The following LRBA variants were observed in gnomAD, a reference collection of about 807,000 sequenced individuals.
LRBA encodes LPS responsive beige-like anchor protein, also known as lipopolysaccharide-responsive and beige-like anchor protein.
Under a neutral mutation model 330.0 loss-of-function variants are expected in LRBA, and 176 were observed. That is an observed-to-expected ratio of 0.53 (90% confidence interval 0.47 to 0.60). The LOEUF (loss-of-function observed/expected upper bound fraction) is 0.60, where lower values mean the gene tolerates loss of function less well. Ranked by LOEUF, LRBA falls within the 20% of genes least tolerant of loss-of-function variation. LRBA has a pLI of 0.00. For missense variants in LRBA, 3,259 were observed against 3,444.8 expected (o/e 0.95, Z 1.35); for synonymous variants, 1,230 against 1,193.0 (o/e 1.03, Z -0.64).
At chr4:150,733,513 T>C (rs1730765890) in intron 36 of LRBA, among the ~76,000 whole-genome samples, 1 of 151,826 alleles carries the variant, frequency 6.6e-6, no homozygotes, top group South Asian at 2.1e-4. Context: ...CTTACAACTT[T>C]CCTGAAAGCC....
At chr4:150,967,462 G>A (rs1262285889) in intron 2 of LRBA, among the ~76,000 whole-genome samples, 5 of 152,106 alleles carry the variant, frequency 3.3e-5, no homozygotes, top group Admixed American at 1.3e-4. Context: ...TCTACAAAAC[G>A]ACATTTCCAG....
intron 54 of LRBA, among the ~76,000 whole-genome samples, chr4:150,283,887 CATT>C (rs1747846621): frequency 6.6e-6 from 1 of 152,228 alleles, no homozygotes; most frequent in Admixed American, 6.5e-5. Flanking sequence ...CTGCTCACTG[CATT>C]ATCTGTTATT....
At chr4:150,730,984 C>T (rs976225779) in intron 36 of LRBA, among the ~76,000 whole-genome samples, 1 of 152,158 alleles carries the variant, frequency 6.6e-6, no homozygotes, top group Non-Finnish European at 1.5e-5. Context: ...TGTCACTGTA[C>T]TTCAGCCTGG....
rs78896136 is a variant in LRBA at position 150,670,705 on chromosome 4, T to C, written c.5921+12846A>G. Among the ~76,000 whole-genome samples, 851 of 152,324 alleles carry C rather than the reference T, an allele frequency of 5.6e-3. 7 individuals carry two copies. The highest frequency in any genetic ancestry group is 0.02 in the African/African-American group (828 of 41,570). ...ATACTAACACATGTATATGTAATTG[T>C]TTATATCATCTTTCTATGTGTGTAC... is the stretch of plus-strand genomic sequence containing the variant. On this transcript the variant is annotated intron_variant, in intron 37 of 56. Transcript: ENST00000651943.
chr4:150,648,167 A>AAAAAAAAAAAAAAAAAAAAAAAG (rs1268462951), intron 37 of LRBA, among the ~76,000 whole-genome samples: 1 of 142,898 alleles, frequency 7.0e-6, no homozygotes, highest in Non-Finnish European at 1.5e-5. Context: ...GCAAAAAAAA[A>AAAAAAAAAAAAAAAAAAAAAAAG]AAAAAAAAAA....
chr4:150,384,191 A>G (rs1466746683), intron 47 of LRBA, among the ~76,000 whole-genome samples: 1 of 151,988 alleles, frequency 6.6e-6, no homozygotes, highest in Non-Finnish European at 1.5e-5. Context: ...GGCATGCACC[A>G]CCATGCCCGG....
At chr4:151,004,969 C>T (rs1385016502) in intron 2 of LRBA, among the ~76,000 whole-genome samples, 2 of 151,202 alleles carry the variant, frequency 1.3e-5, no homozygotes, top group Admixed American at 6.6e-5. Context: ...CCAGCCTGGG[C>T]GACAGAGCGA....
chr4:150,838,174 G>C (rs1430915521), intron 28 of LRBA, among the ~76,000 whole-genome samples: 2 of 152,184 alleles, frequency 1.3e-5, no homozygotes, highest in Non-Finnish European at 2.9e-5. Flanking sequence ...TTAGTCTGAT[G>C]AGCTTCCCTT....
intron 37 of LRBA, among the ~76,000 whole-genome samples, chr4:150,663,023 G>C (rs1179173855): frequency 1.3e-5 from 2 of 151,972 alleles, no homozygotes; most frequent in Non-Finnish European, 2.9e-5. Flanking sequence ...AAAGGGGTTA[G>C]ATCAGTAGAA....
At chr4:150,759,378 C>A (rs1414603059) in intron 35 of LRBA, among the ~76,000 whole-genome samples, 1 of 152,218 alleles carries the variant, frequency 6.6e-6, no homozygotes, top group Non-Finnish European at 1.5e-5. Flanking sequence ...ACTTTAATCA[C>A]TCTTTTCTTG....
rs1351678145 is a variant in LRBA, at chr4:150,908,317, C to T, written c.1493+17G>A. 6.2e-7 allele frequency: 1 copy of T among 1,600,428 alleles called. No homozygotes were observed. The highest frequency in any genetic ancestry group is 8.5e-7 in the Non-Finnish European group (1 of 1,176,910). The stretch of plus-strand genomic sequence containing the variant: ...TAACCCTCACAGCCAATTAAAGAAA[C>T]AAATAAAGGCACTCACCATATAGTC... On this transcript the variant is annotated intron_variant, in intron 11 of 56. Coordinates refer to ENST00000651943, the MANE Select transcript of LRBA (RefSeq NM_001364905.1).
At chr4:150,588,290 G>T in intron 39 of LRBA, 106 bp from the exon 40 acceptor site, 2 of 1,096,256 alleles carry the variant, frequency 1.8e-6, no homozygotes. Flanking sequence ...GTCTAGTACT[G>T]AACTGCCTGC....
chr4:150,864,839 G>A (rs1351595057), intron 22 of LRBA, among the ~76,000 whole-genome samples: 2 of 151,952 alleles, frequency 1.3e-5, no homozygotes, highest in Non-Finnish European at 2.9e-5. Flanking sequence ...CAGAGATGGG[G>A]TTTCACCATG....
intron 51 of LRBA, chr4:150,315,332 A>T (rs1399477566): frequency 1.7e-6 from 1 of 584,838 alleles, no homozygotes; most frequent in African/African-American, 1.9e-5. Context: ...CATCCATATT[A>T]ATTTTCAGTG....
chr4:150,447,476 A>T (rs977848213), intron 44 of LRBA, among the ~76,000 whole-genome samples: 1 of 152,068 alleles, frequency 6.6e-6, no homozygotes, highest in African/African-American at 2.4e-5. Flanking sequence ...TCCTGTTGTC[A>T]GTCTGGGATT....
rs754115040 is a variant in LRBA at position 150,583,473 on chromosome 4, G to C, written c.6330+4575C>G. 4 of 1,613,942 alleles carry C rather than the reference G, an allele frequency of 2.5e-6. No individual in the cohort carries two copies. Among genetic ancestry groups the C allele is most frequent in the Non-Finnish European group, 3.4e-6 (4 of 1,180,038 alleles). ...TGGACAAGTGCAGCTATCGGGATGTGGTCAAGATGATCGCGGACACCAGCG... is the reference window on the plus strand; with the variant it reads ...TGGACAAGTGCAGCTATCGGGATGTCGTCAAGATGATCGCGGACACCAGCG... On this transcript the variant is annotated intron_variant, in intron 40 of 56. Transcript: ENST00000651943. This position sits in a 1 kb window ranked among gnomAD's most constrained non-coding sequence, Gnocchi z 9.8.
intron 34 of LRBA, among the ~76,000 whole-genome samples, chr4:150,775,805 GAAAAAAA>G (rs35161747): frequency 2.2e-4 from 13 of 59,982 alleles, no homozygotes; most frequent in African/African-American, 7.3e-4. Flanking sequence ...AAGAAAGAAT[GAAAAAAA>G]AAAAAAAAAA....
chr4:150,405,044 T>C (rs944890319), intron 47 of LRBA, among the ~76,000 whole-genome samples: 2 of 152,086 alleles, frequency 1.3e-5, no homozygotes, highest in African/African-American at 2.4e-5. Flanking sequence ...GTGGGAGGCA[T>C]TGGGTCATTC....
At chr4:150,866,317 A>C (rs1752682083) in intron 22 of LRBA, among the ~76,000 whole-genome samples, 1 of 152,262 alleles carries the variant, frequency 6.6e-6, no homozygotes, top group Non-Finnish European at 1.5e-5. Context: ...AAATAGTTAG[A>C]TAATCCACAT....
Sources: allele counts gnomAD v4.1 joint callset (sites outside exome capture counted in the v4.1 genomes callset), GRCh38; gene constraint gnomAD v4.1.1; non-coding constraint Gnocchi (gnomAD v3.1); transcripts MANE v1.5; gene names NCBI Gene and HGNC (gene_info 2026-07-23, HGNC 2026-07-21).